The following DIAPH3 variants were observed in gnomAD, a reference collection of about 807,000 sequenced individuals.
DIAPH3 encodes the protein protein diaphanous homolog 3.
In DIAPH3, 117 loss-of-function variants were observed where a neutral mutation model predicts 144.3. The observed-to-expected ratio is 0.81, with a 90% CI of 0.70 to 0.95. The LOEUF is 0.95. Among genes scored for constraint, DIAPH3 ranks in the 40% least tolerant of loss-of-function variants. The pLI, the probability that DIAPH3 is intolerant of heterozygous loss-of-function variation, is 0.00. For missense variants in DIAPH3, 1,421 were observed against 1,412.7 expected (o/e 1.01, Z -0.09); for synonymous variants, 519 against 488.9 (o/e 1.06, Z -0.81).
At chr13:60,023,850 C>CTTTTTTTTT (rs35707483) in intron 5 of DIAPH3, among the ~76,000 whole-genome samples, 8 of 68,890 alleles carry the variant, frequency 1.2e-4, no homozygotes, top group Admixed American at 2.3e-4. Flanking sequence ...ACTATTCAGC[C>CTTTTTTTTT]TTTTTTTTTT....
chr13:60,057,989 T>A lies in DIAPH3; in HGVS notation c.496-15169A>T, dbSNP rs140593108. Among the ~76,000 whole-genome samples, 366 of 151,782 alleles carry A rather than the reference T, an allele frequency of 2.4e-3. 1 individual carries two copies. The highest frequency in any genetic ancestry group is 8.4e-3 in the African/African-American group (347 of 41,490). ...TCTTCTGGACATTGGCCCTGGCAAATAATTTATGAGTGAGACCCCAAAAGC... is the reference window on the plus strand; with the variant it reads ...TCTTCTGGACATTGGCCCTGGCAAAAAATTTATGAGTGAGACCCCAAAAGC... On this transcript the variant is annotated intron_variant, in intron 4 of 27. Coordinates refer to ENST00000400324, the MANE Select transcript of DIAPH3 (RefSeq NM_001042517.2).
chr13:59,944,252 G>A (rs1359396783), intron 17 of DIAPH3, among the ~76,000 whole-genome samples: 1 of 151,918 alleles, frequency 6.6e-6, no homozygotes, highest in African/African-American at 2.4e-5. Context: ...AGTTAAAAGA[G>A]GCAATAACAT....
intron 27 of DIAPH3, among the ~76,000 whole-genome samples, chr13:59,745,374 T>C (rs1031183206): frequency 3.9e-5 from 6 of 152,162 alleles, no homozygotes; most frequent in African/African-American, 1.4e-4. Flanking sequence ...ATATTTCCAA[T>C]AGGGGATCAG....
chr13:59,771,974 C>A (rs1229002850), intron 27 of DIAPH3, among the ~76,000 whole-genome samples: 1 of 151,624 alleles, frequency 6.6e-6, no homozygotes, highest in Non-Finnish European at 1.5e-5. Context: ...TCTTTTAAAT[C>A]TTTAAAAATA....
chr13:59,669,575 T>C (rs539943933), intron 27 of DIAPH3, among the ~76,000 whole-genome samples: 6 of 152,248 alleles, frequency 3.9e-5, no homozygotes, highest in Non-Finnish European at 7.4e-5. Flanking sequence ...GTGACGGATG[T>C]GACTTTTGCT....
chr13:60,145,000 A>G (rs1951437855), intron 1 of DIAPH3: 1 of 152,262 alleles, frequency 6.6e-6, no homozygotes, highest in Admixed American at 6.5e-5. Flanking sequence ...CTAGGTACCC[A>G]TATGATACAG....
chr13:59,684,475 A>G (rs1174853499), intron 27 of DIAPH3, among the ~76,000 whole-genome samples: 1 of 152,204 alleles, frequency 6.6e-6, no homozygotes, highest in Non-Finnish European at 1.5e-5. Context: ...TACTTTTTAT[A>G]TCTTGGAACA....
chr13:60,156,939 A>ATATATATATATATATATATATTTT (rs1337230427), intron 1 of DIAPH3, among the ~76,000 whole-genome samples: 16 of 82,032 alleles, frequency 2.0e-4, no homozygotes, highest in Non-Finnish European at 3.2e-4. Context: ...ATATATATAT[A>ATATATATATATATATATATATTTT]TTTTTTTTTT....
Position 59,980,705 on chromosome 13 carries a change from A to C in DIAPH3, c.1545+90T>G, listed in dbSNP as rs766313631. ...ACACACCTGAAGCAGATAAAGAAGAAAGAACGAATAACAAGCAAATTCCCT... is the reference window on the plus strand; with the variant it reads ...ACACACCTGAAGCAGATAAAGAAGACAGAACGAATAACAAGCAAATTCCCT... On this transcript the variant is annotated intron_variant, in intron 14 of 27. Coordinates refer to ENST00000400324, the MANE Select transcript of DIAPH3 (RefSeq NM_001042517.2). 1,243 of 1,165,430 alleles carry C rather than the reference A, an allele frequency of 1.1e-3. 4 individuals are homozygous for C. The highest frequency in any genetic ancestry group is 1.3e-3 in the Non-Finnish European group (1,050 of 781,732). 72.2% of individuals were successfully genotyped at this position (1,165,430 alleles called of 1,614,324 possible).
At chr13:60,048,015 C>T (rs947953444) in intron 4 of DIAPH3, among the ~76,000 whole-genome samples, 4 of 152,194 alleles carry the variant, frequency 2.6e-5, no homozygotes, top group Non-Finnish European at 5.9e-5. Flanking sequence ...TGTGTTGGGT[C>T]CCTAACCCAC....
chr13:60,077,062 G>C (rs2057403654), intron 4 of DIAPH3, among the ~76,000 whole-genome samples: 1 of 151,878 alleles, frequency 6.6e-6, no homozygotes, highest in South Asian at 2.1e-4. Flanking sequence ...CTTTTAAGTT[G>C]TATCTTTGAT....
At chr13:60,000,992 T>A (rs541995489) in intron 9 of DIAPH3, among the ~76,000 whole-genome samples, 109 of 152,276 alleles carry the variant, frequency 7.2e-4, no homozygotes, top group Non-Finnish European at 1.3e-3. Context: ...CTTCTGTCTG[T>A]TGCAAGACAA....
At chr13:59,718,234 AAAAAG>A (rs143928891) in intron 27 of DIAPH3, among the ~76,000 whole-genome samples, 6,472 of 152,190 alleles carry the variant, frequency 0.043, 221 homozygotes, top group South Asian at 0.1. Flanking sequence ...TCCTTCCTTT[AAAAAG>A]AATATCACAG....
At chr13:59,796,915 A>C (rs994817634) in intron 25 of DIAPH3, among the ~76,000 whole-genome samples, 1 of 152,204 alleles carries the variant, frequency 6.6e-6, no homozygotes, top group African/African-American at 2.4e-5. Flanking sequence ...TACAGAATAC[A>C]AATGGAATTT....
chr13:60,047,746 AC>A (rs941714981), intron 4 of DIAPH3, among the ~76,000 whole-genome samples: 1 of 152,240 alleles, frequency 6.6e-6, no homozygotes, highest in African/African-American at 2.4e-5. Flanking sequence ...CACAAAGAGT[AC>A]TAGCTATAAA....
intron 1 of DIAPH3, among the ~76,000 whole-genome samples, chr13:60,144,059 T>G (rs1270841002): frequency 6.6e-6 from 1 of 152,204 alleles, no homozygotes; most frequent in African/African-American, 2.4e-5. Context: ...TTGCAGTTTG[T>G]GTTTATACCT....
intron 25 of DIAPH3, among the ~76,000 whole-genome samples, chr13:59,788,001 T>A (rs897334372): frequency 6.6e-6 from 1 of 152,204 alleles, no homozygotes; most frequent in Non-Finnish European, 1.5e-5. Flanking sequence ...CCAGCCTCCA[T>A]AACTGTGATA....
At chr13:59,805,541 T>C (rs1239568807) in intron 25 of DIAPH3, among the ~76,000 whole-genome samples, 7 of 151,978 alleles carry the variant, frequency 4.6e-5, no homozygotes, top group African/African-American at 1.7e-4. Flanking sequence ...GCATCAACCT[T>C]AGACATTTAC....
At chr13:59,765,441 C>A (rs969233655) in intron 27 of DIAPH3, among the ~76,000 whole-genome samples, 6 of 152,182 alleles carry the variant, frequency 3.9e-5, no homozygotes, top group Non-Finnish European at 5.9e-5. Context: ...TTCATTTAGT[C>A]TTCCTAACAG....
Sources: gnomAD v4.1 joint callset for allele counts (sites outside exome capture counted in the v4.1 genomes callset) on GRCh38, gnomAD v4.1.1 for gene constraint, MANE v1.5 for transcripts, NCBI Gene and HGNC (gene_info 2026-07-23, HGNC 2026-07-21) for gene names.